PCDHA11: variants seen among roughly 807,000 people sequenced by gnomAD.
The protein encoded by PCDHA11 is protocadherin alpha 11, also known as protocadherin alpha-11.
Under a neutral mutation model 70.3 loss-of-function variants are expected in PCDHA11, and 61 were observed. The ratio of observed to expected loss-of-function variants is 0.87; its 90% CI spans 0.71 to 1.07. PCDHA11 has a LOEUF of 1.07. PCDHA11 is among the 50% of genes least tolerant of loss of function. PCDHA11 has a pLI of 0.00. For synonymous variants in PCDHA11, 633 were observed against 555.1 expected (o/e 1.14, Z -1.97); for missense variants, 1,324 against 1,237.5 (o/e 1.07, Z -1.05).
chr5:140,993,001 TC>T (rs1554253322), intron 3 of PCDHA11, among the ~76,000 whole-genome samples: 4 of 152,124 alleles, frequency 2.6e-5, no homozygotes, highest in Admixed American at 2.6e-4. Context: ...TGAAAGAGCC[TC>T]CCCAGAGTCC....
intron 1 of PCDHA11, among the ~76,000 whole-genome samples, chr5:140,910,741 A>G (rs1349649150): frequency 1.3e-5 from 2 of 152,142 alleles, no homozygotes; most frequent in African/African-American, 2.4e-5. Flanking sequence ...AACCAAGCAC[A>G]TAAATTATCA....
intron 1 of PCDHA11, chr5:140,875,350 T>G (rs1465566736): frequency 6.9e-7 from 1 of 1,444,966 alleles, no homozygotes; most frequent in African/African-American, 1.4e-5. Flanking sequence ...CCATAATGAC[T>G]GTGATGCTGG....
chr5:141,001,448 G>A (rs1465333650), intron 3 of PCDHA11, among the ~76,000 whole-genome samples: 1 of 152,190 alleles, frequency 6.6e-6, no homozygotes, highest in Non-Finnish European at 1.5e-5. Context: ...TCTTTCCACT[G>A]TCAATTGAAG....
chr5:140,967,012 G>C (rs1554229065), intron 1 of PCDHA11: 1 of 1,606,656 alleles, frequency 6.2e-7, no homozygotes, highest in African/African-American at 1.3e-5. Flanking sequence ...TCAACCATCT[G>C]GGTGCGCCCA....
chr5:140,966,850 CCTGCTGCTGTTG>C (rs1409933796), intron 1 of PCDHA11: 1 of 1,572,784 alleles, frequency 6.4e-7, no homozygotes, highest in Non-Finnish European at 8.6e-7. Context: ...TACTGCCTCT[CCTGCTGCTGTTG>C]CTGCTGCTGC....
intron 1 of PCDHA11, chr5:140,882,793 C>T (rs1176435531): frequency 1.9e-6 from 3 of 1,614,210 alleles, no homozygotes; most frequent in Non-Finnish European, 2.5e-6. Context: ...TGGATCCCAA[C>T]GATTATTTCA....
At position 140,978,454 on chromosome 5, in the gene PCDHA11, C is replaced by T. The variant is rs980177257; in HGVS notation, c.2392-495C>T. Among the ~76,000 whole-genome samples, 5 of 152,314 alleles carry T rather than the reference C, an allele frequency of 3.3e-5. No individual in the cohort carries two copies. The South Asian group carries it at 8.3e-4, about 25-fold the overall frequency. ...TGCTGGTGTTATGACTGGGCACATC[C>T]GCCCTGGGTCAAATATGCTGCAGTC... On this transcript the variant is annotated intron_variant, in intron 1 of 3. Coordinates refer to ENST00000398640, the MANE Select transcript of PCDHA11 (RefSeq NM_018902.5).
intron 1 of PCDHA11, among the ~76,000 whole-genome samples, chr5:140,886,844 A>AAAAG (rs1232979230): frequency 8.6e-5 from 13 of 150,634 alleles, no homozygotes; most frequent in African/African-American, 1.2e-4. Flanking sequence ...AAAAAAAAAA[A>AAAAG]AAAGAAAGGT....
At chr5:140,969,317 G>C in intron 1 of PCDHA11, 1 of 1,614,156 alleles carries the variant, frequency 6.2e-7, no homozygotes, top group African/African-American at 1.3e-5. Context: ...AAATGAGGCT[G>C]TTTCTCAAAA....
rs782733393 is a variant in PCDHA11 at position 140,875,889 on chromosome 5, G to T, written c.2391+4395G>T. The T allele has an allele frequency of 4.8e-5, 78 of 1,614,056 alleles. No homozygotes were observed. The highest frequency in any genetic ancestry group is 5.8e-5 in the Non-Finnish European group (69 of 1,180,042). On this transcript the variant is annotated intron_variant, in intron 1 of 3. Coordinates refer to ENST00000398640, the MANE Select transcript of PCDHA11 (RefSeq NM_018902.5). ...CGGTGTTCAGAGAAAGGGAACAAAA[G>T]GTACCTGTTTCTGAATCTGCGCCTC...
At chr5:140,944,219 A>G (rs191111426) in intron 1 of PCDHA11, among the ~76,000 whole-genome samples, 202 of 152,176 alleles carry the variant, frequency 1.3e-3, no homozygotes, top group Non-Finnish European at 2.3e-3. Context: ...AGAGGGTTTT[A>G]CTCTGTCGCT....
chr5:141,009,174 G>A (rs1281128951), intron 3 of PCDHA11, among the ~76,000 whole-genome samples: 1 of 152,228 alleles, frequency 6.6e-6, no homozygotes, highest in African/African-American at 2.4e-5. Flanking sequence ...ACTGGCCTTG[G>A]CTGGGTGTGG....
intron 1 of PCDHA11, among the ~76,000 whole-genome samples, chr5:140,895,039 C>T (rs1274502441): frequency 6.6e-6 from 1 of 152,060 alleles, no homozygotes. Context: ...GTCCCCCACC[C>T]ACACCATTCT....
At chr5:140,970,221 C>G (rs2096390879) in intron 1 of PCDHA11, among the ~76,000 whole-genome samples, 1 of 152,182 alleles carries the variant, frequency 6.6e-6, no homozygotes, top group South Asian at 2.1e-4. Context: ...TTAAATGCAG[C>G]CTGTAATCTT....
In PCDHA11 at chr5:141,010,735, T is replaced by G. The variant is rs192374006; in HGVS notation, c.*798T>G. On this transcript the variant is annotated 3_prime_UTR_variant, in exon 4 of 4. Coordinates refer to ENST00000398640, the MANE Select transcript of PCDHA11 (RefSeq NM_018902.5). ...GTGCTCACTTTATTAAAAATTCTTT[T>G]GCACACAATGTTTATGAAAAGGCCA... The G allele has an allele frequency of 6.5e-6, 1 of 154,174 alleles. No individual in the cohort carries two copies. The highest frequency in any genetic ancestry group is 1.5e-5 in the Non-Finnish European group (1 of 68,224). 9.6% of individuals were successfully genotyped at this position (154,174 alleles called of 1,614,324 possible). A position where few individuals can be genotyped will look rare whatever the true frequency, so the allele number is the denominator to read the frequency against.
intron 1 of PCDHA11, among the ~76,000 whole-genome samples, chr5:140,949,545 T>G (rs1173643616): frequency 6.6e-6 from 1 of 151,906 alleles, no homozygotes; most frequent in Non-Finnish European, 1.5e-5. Flanking sequence ...ATCGATTTGT[T>G]GCTGGTCATA....
chr5:140,890,096 C>T (rs967857035), intron 1 of PCDHA11, among the ~76,000 whole-genome samples: 1 of 152,124 alleles, frequency 6.6e-6, no homozygotes, highest in Non-Finnish European at 1.5e-5. Flanking sequence ...AAATTTATTC[C>T]CAACTCTGGA....
rs547166699 is a variant in PCDHA11 at position 140,982,068 on chromosome 5, TTAGAG to T, written c.2451-401_2451-397del. On this transcript the variant is annotated intron_variant, in intron 2 of 3. Transcript: ENST00000398640. ...AAAATATTTTAGTGTGTTTTCTTCT[TTAGAG>T]TAGAGAACCTAGGAACAAGAGAACC... 3.5e-3 allele frequency among the ~76,000 whole-genome samples: 532 copies of T among 152,340 alleles called. 2 individuals carry two copies. Among genetic ancestry groups the T allele is most frequent in the Non-Finnish European group, 5.4e-3 (369 of 68,028 alleles).
chr5:140,999,877 G>A (rs1194481133), intron 3 of PCDHA11, among the ~76,000 whole-genome samples: 1 of 152,152 alleles, frequency 6.6e-6, no homozygotes, highest in Admixed American at 6.5e-5. Flanking sequence ...CTGAAAATTA[G>A]CCCAGCTGTA....
Sources: allele counts gnomAD v4.1 joint callset (sites outside exome capture counted in the v4.1 genomes callset), GRCh38; gene constraint gnomAD v4.1.1; transcripts MANE v1.5; gene names NCBI Gene and HGNC (gene_info 2026-07-23, HGNC 2026-07-21).